Variants in SLC60A1 observed in about 807,000 individuals in gnomAD.
The protein encoded by SLC60A1 is major facilitator superfamily domain containing 4.
chr1:205,569,113 TGCA>T, the SLC60A1 span: 1 of 1,522,786 alleles, frequency 6.6e-7, no homozygotes, highest in South Asian at 1.2e-5. Context: ...CGCCGCAACC[TGCA>T]GCCCACGCTC....
the SLC60A1 span, among the ~76,000 whole-genome samples, chr1:205,596,649 G>C: frequency 2.0e-5 from 3 of 150,924 alleles, no homozygotes; most frequent in Non-Finnish European, 3.0e-5. Flanking sequence ...GTGTGCTGAA[G>C]CCTGGAGGTG....
chr1:205,600,207 AAGCCCTAGAC>A, the SLC60A1 span: 1 of 534,468 alleles, frequency 1.9e-6, no homozygotes. Context: ...CACATTCCCC[AAGCCCTAGAC>A]AGCAGTCTCA....
the SLC60A1 span, chr1:205,585,993 T>TG: frequency 5.2e-6 from 8 of 1,529,728 alleles, 1 homozygote; most frequent in South Asian, 1.0e-4. The surrounding 1 kb of genome is among the most constrained non-coding windows in gnomAD (Gnocchi z 4.2). Flanking sequence ...ATTGTCTGGC[T>TG]GGGCTGCAGG....
the SLC60A1 span, chr1:205,600,323 C>T: frequency 1.4e-6 from 2 of 1,413,568 alleles, no homozygotes; most frequent in East Asian, 4.7e-5. Flanking sequence ...AACAAACAGC[C>T]TGGGTAAGCT....
At chr1:205,592,701 C>A in the SLC60A1 span, among the ~76,000 whole-genome samples, 1 of 152,152 alleles carries the variant, frequency 6.6e-6, no homozygotes, top group Non-Finnish European at 1.5e-5. Flanking sequence ...ACCCGCTGGG[C>A]TCCCTCCATT....
the SLC60A1 span, chr1:205,599,064 C>A: frequency 6.3e-7 from 1 of 1,590,768 alleles, no homozygotes; most frequent in Non-Finnish European, 8.6e-7. Flanking sequence ...GAGAAGGCTG[C>A]TTCCTCCGAT....
At chr1:205,601,682 C>A in the SLC60A1 span, 1 of 152,490 alleles carries the variant, frequency 6.6e-6, no homozygotes, top group African/African-American at 2.4e-5. Context: ...CTCCCAGTTT[C>A]AAGCGATTCT....
At chr1:205,591,501 AAGGAAAG>A in the SLC60A1 span, among the ~76,000 whole-genome samples, 1 of 133,072 alleles carries the variant, frequency 7.5e-6, no homozygotes, top group Non-Finnish European at 1.8e-5. Context: ...AAAAAAAAAA[AAGGAAAG>A]AAAAGAAAGA....
At chr1:205,575,616 G>A in the SLC60A1 span, among the ~76,000 whole-genome samples, 80 of 152,328 alleles carry the variant, frequency 5.3e-4, no homozygotes, top group African/African-American at 1.9e-3. Flanking sequence ...AGAGCATGGG[G>A]CTGAAGGGGG....
chr1:205,584,725 G>T, the SLC60A1 span: 1 of 695,028 alleles, frequency 1.4e-6, no homozygotes, highest in East Asian at 2.6e-5. Flanking sequence ...GATGGACAGG[G>T]GTTATTCCTA....
the SLC60A1 span, among the ~76,000 whole-genome samples, chr1:205,571,530 G>A: frequency 6.6e-6 from 1 of 152,102 alleles, no homozygotes; most frequent in East Asian, 1.9e-4. Context: ...TTTAAATTCT[G>A]AACCTCAGTC....
At chr1:205,583,900 G>T in the SLC60A1 span, 3 of 1,579,994 alleles carry the variant, frequency 1.9e-6, no homozygotes, top group Non-Finnish European at 2.6e-6. Context: ...GAGGCCAGGC[G>T]TGGGAAGGGG....
At chr1:205,584,578 C>T in the SLC60A1 span, among the ~76,000 whole-genome samples, 5 of 149,468 alleles carry the variant, frequency 3.3e-5, no homozygotes, top group South Asian at 1.1e-3. Context: ...AAAATCTTGG[C>T]CCTGATGGTG....
the SLC60A1 span, among the ~76,000 whole-genome samples, chr1:205,581,478 T>C: frequency 6.6e-6 from 1 of 152,248 alleles, no homozygotes; most frequent in Admixed American, 6.5e-5. The surrounding 1 kb of genome is among the most constrained non-coding windows in gnomAD (Gnocchi z 4.2). Flanking sequence ...AAGTCAGCAC[T>C]GACTCTGGCC....
chr1:205,597,154 C>A, the SLC60A1 span, among the ~76,000 whole-genome samples: 1 of 152,158 alleles, frequency 6.6e-6, no homozygotes, highest in Non-Finnish European at 1.5e-5. Flanking sequence ...AGGTAGGTAG[C>A]AGTCAGAATG....
At chr1:205,599,018 C>A in the SLC60A1 span, 2 of 1,357,784 alleles carry the variant, frequency 1.5e-6, no homozygotes, top group Non-Finnish European at 2.0e-6. Context: ...CTTGGTGTGA[C>A]GGGCCTCAAC....
chr1:205,586,869 G>A, the SLC60A1 span, among the ~76,000 whole-genome samples: 8 of 152,044 alleles, frequency 5.3e-5, no homozygotes, highest in African/African-American at 7.2e-5. Flanking sequence ...GCTAATTTTT[G>A]TATTTTTAAT....
the SLC60A1 span, chr1:205,598,701 A>G: frequency 1.9e-5 from 3 of 161,336 alleles, no homozygotes; most frequent in Non-Finnish European, 2.7e-5. Flanking sequence ...GCTGACTGCT[A>G]AAGTTGAGTG....
chr1:205,594,803 T>C, the SLC60A1 span, among the ~76,000 whole-genome samples: 3 of 152,222 alleles, frequency 2.0e-5, no homozygotes, highest in Non-Finnish European at 4.4e-5. Context: ...TTCCAAGTTC[T>C]AATCACCTCC....
Sources: gnomAD v4.1 joint callset for allele counts (sites outside exome capture counted in the v4.1 genomes callset) on GRCh38, gnomAD v4.1.1 for gene constraint, Gnocchi (gnomAD v3.1) non-coding constraint, MANE v1.5 for transcripts, NCBI Gene and HGNC (gene_info 2026-07-23, HGNC 2026-07-21) for gene names.